The following IFT88 variants were observed in gnomAD, a reference collection of about 807,000 sequenced individuals.
IFT88 encodes intraflagellar transport protein 88 homolog.
IFT88 carries 74 observed loss-of-function variants against 119.5 expected under a neutral mutation model. The ratio of observed to expected loss-of-function variants is 0.62; its 90% confidence interval spans 0.51 to 0.75. The LOEUF is 0.75. Ranked by LOEUF, IFT88 falls within the 30% of genes least tolerant of loss-of-function variation. The pLI is 0.00. For synonymous variants in IFT88, 279 were observed against 316.7 expected (o/e 0.88, Z 1.26); for missense variants, 961 against 977.7 (o/e 0.98, Z 0.23).
intron 14 of IFT88, among the ~76,000 whole-genome samples, chr13:20,623,506 G>A (rs1308885013): frequency 1.3e-5 from 2 of 152,066 alleles, no homozygotes; most frequent in Non-Finnish European, 2.9e-5. Flanking sequence ...ATGGAGTTTT[G>A]CTCTGTCGCC....
chr13:20,619,762 A>G (rs921415411), intron 14 of IFT88, among the ~76,000 whole-genome samples: 1 of 151,944 alleles, frequency 6.6e-6, no homozygotes, highest in South Asian at 2.1e-4. Flanking sequence ...GCTTGATCCT[A>G]TGGTGTGTAT....
chr13:20,671,407 A>G (rs775068149), intron 24 of IFT88, among the ~76,000 whole-genome samples: 4 of 152,206 alleles, frequency 2.6e-5, no homozygotes, highest in Non-Finnish European at 5.9e-5. Flanking sequence ...GGATGGTCCT[A>G]TGGAATGCTG....
rs1178434584 is a variant in IFT88, at chr13:20,669,827, TCTTA to T, written c.2176-1142_2176-1139del. Among the ~76,000 whole-genome samples the T allele has an allele frequency of 7.2e-5, 11 of 152,338 alleles. No homozygotes were observed. In the South Asian group the frequency reaches 2.1e-3, roughly 29 times the overall value. ...AAAGTCAGATTATGGATGTTTAAATTCTTACTTTGCTACATCTTTTTAAGATTTT... is the reference window on the plus strand; with the variant it reads ...AAAGTCAGATTATGGATGTTTAAATTCTTTGCTACATCTTTTTAAGATTTT... On this transcript the variant is annotated intron_variant, in intron 23 of 25. Transcript: ENST00000351808.
rs1177876016 is a variant in IFT88, at chr13:20,674,702, T to TTATA, written c.2242+3683_2242+3686dup. Among the ~76,000 whole-genome samples, 115 of 90,604 alleles carry TTATA rather than the reference T, an allele frequency of 1.3e-3. 1 individual carries two copies. Among genetic ancestry groups the TTATA allele is most frequent in the Middle Eastern group, 6.7e-3 (1 of 150 alleles). 59.4% of individuals were successfully genotyped at this position (90,604 alleles called of 152,430 possible). A position where few individuals can be genotyped will look rare whatever the true frequency, so the allele number is the denominator to read the frequency against. ...TATTTTATTTAAAAAAACTGAAGTT[T>TTATA]TATATATATATATATATATATATTT... On this transcript the variant is annotated intron_variant, in intron 24 of 25. Transcript: ENST00000351808.
chr13:20,662,517 C>G (rs900141867), intron 22 of IFT88, among the ~76,000 whole-genome samples: 7 of 152,134 alleles, frequency 4.6e-5, no homozygotes, highest in Non-Finnish European at 7.4e-5. Flanking sequence ...GAATTTTAGA[C>G]CAATATCCCT....
intron 14 of IFT88, among the ~76,000 whole-genome samples, chr13:20,621,541 A>T (rs2046499687): frequency 1.8e-4 from 3 of 16,994 alleles, no homozygotes; most frequent in Non-Finnish European, 3.6e-4. Flanking sequence ...AAAAAAAAAA[A>T]AAAAAAAAAA....
chr13:20,621,346 C>T (rs1361781919), intron 14 of IFT88, among the ~76,000 whole-genome samples: 3 of 152,076 alleles, frequency 2.0e-5, no homozygotes, highest in Admixed American at 6.6e-5. Context: ...GGATTACAGG[C>T]GTGAGCCACC....
intron 23 of IFT88, among the ~76,000 whole-genome samples, chr13:20,666,989 C>T: frequency 6.6e-6 from 1 of 151,998 alleles, no homozygotes; most frequent in Non-Finnish European, 1.5e-5. Flanking sequence ...GTTTTATAAC[C>T]TCTCCCACCC....
chr13:20,582,873 T>G, intron 2 of IFT88, 84 bp from the exon 3 acceptor site: 1 of 1,019,004 alleles, frequency 9.8e-7, no homozygotes, highest in Non-Finnish European at 1.5e-6. Flanking sequence ...ATAGAGGCTC[T>G]TGAGTACCAA....
Position 20,679,943 on chromosome 13 carries a change from G to C in IFT88, c.2242+8904G>C, listed in dbSNP as rs180728345. ...CATCTGATTATTTTGTTTATATGCA[G>C]GGTGACCATTAGCTACAGATTGAGA... On this transcript the variant is annotated intron_variant, in intron 24 of 25. Coordinates refer to ENST00000351808, the MANE Select transcript of IFT88 (RefSeq NM_006531.5). Among the ~76,000 whole-genome samples the C allele has an allele frequency of 6.1e-3, 925 of 152,226 alleles. 3 individuals are homozygous for C. Among genetic ancestry groups the C allele is most frequent in the Non-Finnish European group, 9.8e-3 (667 of 68,024 alleles).
intron 14 of IFT88, among the ~76,000 whole-genome samples, chr13:20,618,086 A>T (rs989333995): frequency 6.6e-6 from 1 of 151,816 alleles, no homozygotes; most frequent in Non-Finnish European, 1.5e-5. Context: ...AGCCCAGCTA[A>T]TTTTTTTGTA....
chr13:20,591,519 T>A, intron 5 of IFT88, 99 bp from the exon 6 acceptor site: 1 of 803,288 alleles, frequency 1.2e-6, no homozygotes, highest in East Asian at 2.9e-5. Context: ...AAATCAGCAT[T>A]TTTTTAAATA....
At chr13:20,667,180 C>T (rs1010849349) in intron 23 of IFT88, among the ~76,000 whole-genome samples, 2 of 152,202 alleles carry the variant, frequency 1.3e-5, no homozygotes, top group Non-Finnish European at 2.9e-5. Context: ...CCTTATCTCA[C>T]ATCCACTCCA....
intron 13 of IFT88, among the ~76,000 whole-genome samples, chr13:20,613,905 A>G (rs887229845): frequency 6.6e-6 from 1 of 152,200 alleles, no homozygotes; most frequent in Non-Finnish European, 1.5e-5. Context: ...ACCACGTTTT[A>G]TGATTCTGTT....
At chr13:20,674,702 T>TTATATATATATA (rs1177876016) in intron 24 of IFT88, among the ~76,000 whole-genome samples, 1 of 90,636 alleles carries the variant, frequency 1.1e-5, no homozygotes, top group Non-Finnish European at 2.1e-5. Flanking sequence ...AACTGAAGTT[T>TTATATATATATA]TATATATATA....
chr13:20,596,515 T>C (rs1044254530), intron 8 of IFT88, among the ~76,000 whole-genome samples: 25 of 152,166 alleles, frequency 1.6e-4, no homozygotes, highest in African/African-American at 2.4e-5. Context: ...TGGTGGACTA[T>C]TGGATTAGAT....
chr13:20,653,970 C>T lies in IFT88; in HGVS notation c.2002+42C>T, dbSNP rs769937462. ...TATTCATTTTATAGATATTTTGCTT[C>T]TTTCCTTTTAGGTAATTATGCATAT... On this transcript the variant is annotated intron_variant, in intron 21 of 25. Transcript: ENST00000351808. 1.3e-5 allele frequency: 17 copies of T among 1,290,740 alleles called. No homozygotes were observed. The South Asian group carries it at 2.3e-4, about 18-fold the overall frequency. 80.0% of individuals were successfully genotyped at this position (1,290,740 alleles called of 1,614,324 possible). A position where few individuals can be genotyped will look rare whatever the true frequency, so the allele number is the denominator to read the frequency against.
chr13:20,672,435 C>T (rs2056048583), intron 24 of IFT88, among the ~76,000 whole-genome samples: 1 of 152,184 alleles, frequency 6.6e-6, no homozygotes, highest in Non-Finnish European at 1.5e-5. Context: ...TAGCCACTTC[C>T]ATCTCTTCAG....
chr13:20,597,641 G>A (rs1278730833), intron 9 of IFT88, among the ~76,000 whole-genome samples: 1 of 151,800 alleles, frequency 6.6e-6, no homozygotes, highest in Non-Finnish European at 1.5e-5. Context: ...CTACTTGGGA[G>A]GCTGGAGCAG....
Sources: gnomAD v4.1 joint callset for allele counts (sites outside exome capture counted in the v4.1 genomes callset) on GRCh38, gnomAD v4.1.1 for gene constraint, MANE v1.5 for transcripts, NCBI Gene and HGNC (gene_info 2026-07-23, HGNC 2026-07-21) for gene names.